The following ACOXL variants were observed in gnomAD, a reference collection of about 807,000 sequenced individuals.
ACOXL encodes the protein acyl-coenzyme A oxidase-like protein.
In ACOXL, 70 loss-of-function variants were observed where a neutral mutation model predicts 71.9. The ratio of observed to expected loss-of-function variants is 0.97; its 90% confidence interval spans 0.80 to 1.19. The LOEUF (loss-of-function observed/expected upper bound fraction) is 1.19, where lower values mean the gene tolerates loss of function less well. Among genes scored for constraint, ACOXL ranks in the 50% most tolerant of loss-of-function variants. The pLI, the probability that ACOXL is intolerant of heterozygous loss-of-function variation, is 0.00. For synonymous variants in ACOXL, 253 were observed against 281.6 expected, an observed-to-expected ratio of 0.90 and a Z score of 1.02; for missense variants, 703 against 736.3, an observed-to-expected ratio of 0.95 and a Z score of 0.52.
Position 111,118,220 on chromosome 2 carries a change from A to C in ACOXL, c.*404A>C, listed in dbSNP as rs1428573757. 1.8e-5 allele frequency: 4 copies of C among 221,688 alleles called. No homozygotes were observed. The Admixed American group carries it at 2.3e-4, about 13-fold the overall frequency. 13.7% of individuals were successfully genotyped at this position (221,688 alleles called of 1,614,324 possible). Reference sequence around the variant, plus strand: ...TTAGAAAAACTGTGGTGCCGAGTGAAAGAAAAAAAAAAAAGCAAACACCCT... The same window carrying C: ...TTAGAAAAACTGTGGTGCCGAGTGACAGAAAAAAAAAAAAGCAAACACCCT... On this transcript the variant is annotated 3_prime_UTR_variant, in exon 18 of 18. Transcript: ENST00000439055.
intron 14 of ACOXL, among the ~76,000 whole-genome samples, chr2:111,013,739 C>T (rs989521270): frequency 1.3e-5 from 2 of 152,032 alleles, no homozygotes; most frequent in Admixed American, 6.6e-5. Context: ...TTCTATCAAA[C>T]ATTTAAAGAC....
intron 16 of ACOXL, among the ~76,000 whole-genome samples, chr2:111,064,909 C>T (rs189706392): frequency 5.9e-4 from 90 of 152,290 alleles, no homozygotes; most frequent in Non-Finnish European, 1.2e-3. Flanking sequence ...GAAGATTCAG[C>T]ATAGTAAAGA....
intron 1 of ACOXL, among the ~76,000 whole-genome samples, chr2:110,761,775 G>A (rs913102183): frequency 6.6e-6 from 1 of 152,156 alleles, no homozygotes; most frequent in Admixed American, 6.5e-5. Context: ...TGTTTGATGG[G>A]CTAAACCATA....
intron 12 of ACOXL, among the ~76,000 whole-genome samples, chr2:110,943,395 T>C (rs1207923066): frequency 6.6e-6 from 1 of 151,708 alleles, no homozygotes. Flanking sequence ...CTCTGAGCAA[T>C]TGGGTGGACC....
intron 1 of ACOXL, among the ~76,000 whole-genome samples, chr2:110,752,286 A>G (rs1261418871): frequency 6.6e-6 from 1 of 152,018 alleles, no homozygotes; most frequent in Non-Finnish European, 1.5e-5. Flanking sequence ...GGGATTACAG[A>G]TGTGAGCCAC....
At chr2:111,095,222 GA>G (rs5833386) in intron 17 of ACOXL, among the ~76,000 whole-genome samples, 63 of 140,286 alleles carry the variant, frequency 4.5e-4, no homozygotes, top group Non-Finnish European at 6.9e-4. Context: ...TTTTTAATTA[GA>G]AAAAAAAAAA....
At chr2:111,094,486 A>G (rs949207032) in intron 17 of ACOXL, 1 of 152,320 alleles carries the variant, frequency 6.6e-6, no homozygotes, top group African/African-American at 2.4e-5. Flanking sequence ...AAAAGCCTCC[A>G]TGTAGCACCA....
At position 110,905,468 on chromosome 2, in the gene ACOXL, C is replaced by T. The variant is rs149340377; in HGVS notation, c.789-3321C>T. ...GTTTTTGGATTTTATTCCCTACAAGCTGGCCAGAGCCGTTTTGCTCCCTAG... is the reference window on the plus strand; with the variant it reads ...GTTTTTGGATTTTATTCCCTACAAGTTGGCCAGAGCCGTTTTGCTCCCTAG... On this transcript the variant is annotated intron_variant, in intron 10 of 17. Coordinates refer to ENST00000439055, the MANE Select transcript of ACOXL (RefSeq NM_001142807.4). Among the ~76,000 whole-genome samples, 49 of 152,326 alleles carry T rather than the reference C, an allele frequency of 3.2e-4. No individual in the cohort carries two copies. In the East Asian group the frequency reaches 5.4e-3, roughly 17 times the overall value.
At chr2:111,098,249 G>A (rs1404439558) in intron 17 of ACOXL, 2 of 152,162 alleles carry the variant, frequency 1.3e-5, no homozygotes, top group Non-Finnish European at 2.9e-5. Flanking sequence ...GGGCCACATT[G>A]GAAGAAGAGT....
intron 14 of ACOXL, among the ~76,000 whole-genome samples, chr2:111,014,067 A>G (rs2064310423): frequency 6.6e-6 from 1 of 152,212 alleles, no homozygotes; most frequent in African/African-American, 2.4e-5. Flanking sequence ...AGAAATAGAA[A>G]GGAATTTCCT....
chr2:110,770,343 TC>T (rs923822829), intron 2 of ACOXL, among the ~76,000 whole-genome samples: 2 of 152,112 alleles, frequency 1.3e-5, no homozygotes, highest in Admixed American at 6.5e-5. Flanking sequence ...TTCCCCACAA[TC>T]CCACCAACCT....
In ACOXL at chr2:110,798,709, G is replaced by C. The variant is rs1202681839; in HGVS notation, c.445G>C (p.Asp149His). ...YAAVFAQLII[D>H]GRSQGPHCFI... ...AGCTGTCTTTGCCCAGCTCATCATA[G>C]ATGGAAGATCTCAAGGTTTGTTACC... The change falls in exon 6 of 18, where the codon GAT becomes CAT. Residue 149 changes from aspartate (D) to histidine (H), a missense_variant. Coordinates refer to ENST00000439055, the MANE Select transcript of ACOXL (RefSeq NM_001142807.4). 6.2e-7 allele frequency: 1 copy of C among 1,614,058 alleles called. No individual in the cohort carries two copies. Among genetic ancestry groups the C allele is most frequent in the East Asian group, 2.2e-5 (1 of 44,880 alleles).
intron 13 of ACOXL, among the ~76,000 whole-genome samples, chr2:110,994,575 C>T (rs1261282184): frequency 1.3e-5 from 2 of 152,076 alleles, no homozygotes; most frequent in African/African-American, 4.8e-5. Flanking sequence ...ATTAACCCTT[C>T]CCCTGGTTGT....
At chr2:111,084,459 T>C (rs1288863809) in intron 16 of ACOXL, among the ~76,000 whole-genome samples, 1 of 152,150 alleles carries the variant, frequency 6.6e-6, no homozygotes, top group African/African-American at 2.4e-5. Context: ...ATATTCAAGA[T>C]GTGAAGAGAT....
chr2:110,962,632 C>T (rs1293248234), intron 12 of ACOXL, among the ~76,000 whole-genome samples: 1 of 152,208 alleles, frequency 6.6e-6, no homozygotes, highest in Non-Finnish European at 1.5e-5. Context: ...TTCTAAGACC[C>T]CTGTGGCCAT....
chr2:110,791,725 C>T (rs531435707), intron 3 of ACOXL, among the ~76,000 whole-genome samples: 3 of 152,246 alleles, frequency 2.0e-5, no homozygotes, highest in Admixed American at 6.5e-5. Flanking sequence ...TTAGCTGGTC[C>T]GAGCTGCTAG....
intron 16 of ACOXL, among the ~76,000 whole-genome samples, chr2:111,083,740 GTC>G (rs1456321784): frequency 1.3e-5 from 2 of 152,044 alleles, no homozygotes; most frequent in African/African-American, 2.4e-5. Flanking sequence ...GAGCTCAAAA[GTC>G]TCTCTCCCAA....
intron 1 of ACOXL, among the ~76,000 whole-genome samples, chr2:110,737,215 T>G (rs1464730599): frequency 6.6e-6 from 1 of 152,090 alleles, no homozygotes; most frequent in Non-Finnish European, 1.5e-5. Context: ...ATGCCCTCCC[T>G]CAACCCTCTT....
At chr2:110,754,836 C>CGAAA (rs1679457964) in intron 1 of ACOXL, among the ~76,000 whole-genome samples, 3 of 152,178 alleles carry the variant, frequency 2.0e-5, no homozygotes, top group African/African-American at 7.2e-5. Flanking sequence ...AAGAATTTCT[C>CGAAA]CTAGGGTGTA....
Sources: gnomAD v4.1 joint callset for allele counts (sites outside exome capture counted in the v4.1 genomes callset) on GRCh38, gnomAD v4.1.1 for gene constraint, MANE v1.5 for transcripts, NCBI Gene and HGNC (gene_info 2026-07-23, HGNC 2026-07-21) for gene names.